UBXN11: variants seen among roughly 807,000 people sequenced by gnomAD.
UBXN11 encodes UBX domain-containing protein 11.
UBXN11 carries 47 observed loss-of-function variants against 62.8 expected under a neutral mutation model. That is an observed-to-expected ratio of 0.75 (90% CI 0.59 to 0.95). UBXN11 has a LOEUF of 0.95. Ranked by LOEUF, UBXN11 falls within the 40% of genes least tolerant of loss-of-function variation. The probability of loss-of-function intolerance (pLI) is 0.00; values close to 1 mark genes in which losing one functional copy is unlikely to be tolerated. For synonymous variants in UBXN11, 294 were observed against 267.0 expected, an observed-to-expected ratio of 1.10 and a Z score of -0.99; for missense variants, 638 against 661.7, an observed-to-expected ratio of 0.96 and a Z score of 0.39.
At chr1:26,316,245 A>G (rs2124683345) in intron 1 of UBXN11, among the ~76,000 whole-genome samples, 1 of 150,190 alleles carries the variant, frequency 6.7e-6, no homozygotes, top group Middle Eastern at 3.4e-3. Context: ...CTAGGATTAC[A>G]GGCGTAGCCC....
At chr1:26,291,651 G>C (rs564224250) in intron 8 of UBXN11, among the ~76,000 whole-genome samples, 1 of 152,186 alleles carries the variant, frequency 6.6e-6, no homozygotes, top group East Asian at 1.9e-4. Context: ...AGCCCAGCCC[G>C]CCACAGCAGG....
chr1:26,284,149 G>A lies in UBXN11; in HGVS notation c.1070C>T (p.Thr357Ile). 6.2e-7 allele frequency: 1 copy of A among 1,608,992 alleles called. No homozygotes were observed. Among genetic ancestry groups the A allele is most frequent in the African/African-American group, 1.3e-5 (1 of 74,886 alleles). Residue 357 changes from threonine to isoleucine, a missense_variant, in exon 12 of 15, where the codon ACC (threonine) becomes ATC (isoleucine). Physicochemically the swap from Thr to Ile is moderately conservative, Grantham distance 89. Coordinates refer to ENST00000374222, the MANE Select transcript of UBXN11 (RefSeq NM_001389556.1). ...AGTTAGCATTGGCCTCACCTGCAAGGTGTCCCTGATGGGGCCCCGGATGTC... is the reference window on the plus strand; with the variant it reads ...AGTTAGCATTGGCCTCACCTGCAAGATGTCCCTGATGGGGCCCCGGATGTC... ...VIDIRGPIRD[T>I]LQNCCPLPAR...
At chr1:26,283,496 T>A (rs1297971493) in intron 12 of UBXN11, among the ~76,000 whole-genome samples, 1 of 152,132 alleles carries the variant, frequency 6.6e-6, no homozygotes, top group Non-Finnish European at 1.5e-5. Flanking sequence ...GGAACCTGGC[T>A]TTATCTCAAG....
chr1:26,297,590 CCT>C lies in UBXN11; in HGVS notation c.301-111_301-110del, dbSNP rs2073424471. On this transcript the variant is annotated intron_variant, in intron 5 of 14. Coordinates refer to ENST00000374222, the MANE Select transcript of UBXN11 (RefSeq NM_001389556.1). ...GTTGGATGCTGGGGAGCAGCAAGCC[CCT>C]GCCACCCTTTGGCACAGCCACTTCT... 7 of 1,305,860 alleles carry C rather than the reference CCT, an allele frequency of 5.4e-6. No homozygotes were observed. The East Asian group carries it at 1.8e-4, about 34-fold the overall frequency. 80.9% of individuals were successfully genotyped at this position (1,305,860 alleles called of 1,614,324 possible).
At chr1:26,299,710 C>CT (rs2073481829) in intron 4 of UBXN11, among the ~76,000 whole-genome samples, 1 of 152,084 alleles carries the variant, frequency 6.6e-6, no homozygotes, top group Admixed American at 6.6e-5. Context: ...TAGGCAAGTC[C>CT]TCATCTGTTA....
chr1:26,302,362 TAAAAAAAAAAA>T lies in UBXN11; in HGVS notation c.71+440_71+450del, dbSNP rs56003085. Among the ~76,000 whole-genome samples, 21 of 69,562 alleles carry T rather than the reference TAAAAAAAAAAA, an allele frequency of 3.0e-4. No homozygotes were observed. The South Asian group carries it at 7.2e-3, about 24-fold the overall frequency. The allele number at this position is 69,562 out of a possible 152,430, so 45.6% of individuals were successfully genotyped here. ...GGGCGACAGAGCGAGACTTGGTCTTTAAAAAAAAAAAAAAAAAAAAAAAAAAAAAGACTCAA... is the reference window on the plus strand; with the variant it reads ...GGGCGACAGAGCGAGACTTGGTCTTTAAAAAAAAAAAAAAAAAAGACTCAA... On this transcript the variant is annotated intron_variant, in intron 2 of 14. Coordinates refer to ENST00000374222, the MANE Select transcript of UBXN11 (RefSeq NM_001389556.1).
intron 4 of UBXN11, among the ~76,000 whole-genome samples, chr1:26,299,132 G>A (rs1022231241): frequency 2.0e-5 from 3 of 152,200 alleles, no homozygotes; most frequent in Non-Finnish European, 2.9e-5. Flanking sequence ...ACAAACATTT[G>A]GGAACTGTCT....
chr1:26,282,829 GC>G (rs1557678438), intron 13 of UBXN11, 34 bp downstream of exon 13: 4 of 1,613,862 alleles, frequency 2.5e-6, no homozygotes. Flanking sequence ...GTGACCCAAC[GC>G]CCCCAGGCCC....
chr1:26,287,434 G>A lies in UBXN11; in HGVS notation c.560-1397C>T, dbSNP rs1050958186. 2.6e-5 allele frequency among the ~76,000 whole-genome samples: 4 copies of A among 152,046 alleles called. No individual in the cohort carries two copies. The East Asian group carries it at 7.7e-4, about 29-fold the overall frequency. ...TAGATGCTGGCTGGGTACAGACCAG[G>A]GGCCTGTTCTGTCATCTTTGATGGG... On this transcript the variant is annotated intron_variant, in intron 8 of 14. Coordinates refer to ENST00000374222, the MANE Select transcript of UBXN11 (RefSeq NM_001389556.1).
chr1:26,310,188 A>G (rs6598958), upstream of UBXN11, among the ~76,000 whole-genome samples: 132,866 of 152,138 alleles, frequency 0.87, 58,986 homozygotes, highest in Non-Finnish European at 0.93. Context: ...ATCACCTGAG[A>G]TCAGGAGTTC....
upstream of UBXN11, among the ~76,000 whole-genome samples, chr1:26,311,465 G>T (rs191195618): frequency 8.0e-5 from 12 of 150,796 alleles, no homozygotes; most frequent in East Asian, 1.8e-3. Context: ...TTTTTGAGAT[G>T]GAGTCTCACA....
exon 1 of UBXN11, chr1:26,318,170 C>A: frequency 9.9e-7 from 1 of 1,010,060 alleles, no homozygotes; most frequent in Non-Finnish European, 1.6e-6. Flanking sequence ...CCAGCCTTCT[C>A]TCCTGAGAGC....
rs140364749 is a variant in UBXN11, at chr1:26,282,386, GCCGGGACCGGGA to G, written c.1464_1475del (p.Gly490_Pro493del). 9.9e-6 allele frequency: 8 copies of G among 804,128 alleles called. No homozygotes were observed. In the African/African-American group the frequency reaches 1.6e-4, roughly 17 times the overall value. The allele number at this position is 804,128 out of a possible 1,614,324, so 49.8% of individuals were successfully genotyped here. A position where few individuals can be genotyped will look rare whatever the true frequency, so the allele number is the denominator to read the frequency against. ...GGCCGGGACCGGGACCGGGACTGGG[GCCGGGACCGGGA>G]CCGGGACAGGGACCAGGACTGAATT... On this transcript the variant is annotated inframe_deletion, in exon 15 of 15. Coordinates refer to ENST00000374222, the MANE Select transcript of UBXN11 (RefSeq NM_001389556.1).
intron 9 of UBXN11, 116 bp from the exon 10 acceptor site, chr1:26,285,657 ACATT>A: frequency 7.4e-7 from 1 of 1,355,580 alleles, no homozygotes; most frequent in Non-Finnish European, 9.9e-7. Context: ...CACTCTGGAA[ACATT>A]CAGAGTCCCA....
At chr1:26,291,046 T>C (rs2073251319) in intron 8 of UBXN11, among the ~76,000 whole-genome samples, 2 of 152,074 alleles carry the variant, frequency 1.3e-5, no homozygotes, top group African/African-American at 4.8e-5. Flanking sequence ...AGCCCCTTCA[T>C]GGCCCCACCG....
rs1468999197 is a variant in UBXN11 at position 26,282,480 on chromosome 1, A to C, written c.1382T>G (p.Leu461Arg). The C allele has an allele frequency of 6.2e-7, 1 of 1,607,902 alleles. No individual in the cohort carries two copies. Among genetic ancestry groups the C allele is most frequent in the Non-Finnish European group, 8.5e-7 (1 of 1,177,356 alleles). ...CAGCAGCAGTGCTGCTTTGGGCACA[A>C]GGCCTGCAGCCTGCAGCGTGAGTGT... ...DDTLTLQAAG[L>R]VPKAALLLRA... is the part of the protein sequence containing the mutation. Residue 461 changes from leucine to arginine, a missense_variant, in exon 15 of 15, where the codon CTT becomes CGT. Leu to Arg is a moderately radical substitution (Grantham distance 102, BLOSUM62 -2). Transcript: ENST00000374222.
intron 4 of UBXN11, among the ~76,000 whole-genome samples, chr1:26,299,101 T>C (rs547666422): frequency 2.4e-4 from 36 of 152,328 alleles, no homozygotes; most frequent in Admixed American, 5.9e-4. Flanking sequence ...CTTTGACTTA[T>C]AGTTAAATGC....
chr1:26,312,703 C>A (rs980862179), intron 1 of UBXN11, among the ~76,000 whole-genome samples: 1 of 151,422 alleles, frequency 6.6e-6, no homozygotes, highest in South Asian at 2.1e-4. Context: ...TGAGGCTGGA[C>A]ACAGTGGCTC....
In UBXN11 at chr1:26,302,921, A is replaced by C; in HGVS notation, c.-35-3T>G. On this transcript the variant is annotated splice_polypyrimidine_tract_variant and splice_region_variant and intron_variant, in intron 1 of 14. Transcript: ENST00000374222. ...AGAATCCAGCTGTCAGGAACTCCCTAGAGGAATGCAGGAAGTCAGCCCCTG... is the reference window on the plus strand; with the variant it reads ...AGAATCCAGCTGTCAGGAACTCCCTCGAGGAATGCAGGAAGTCAGCCCCTG... The C allele has an allele frequency of 1.2e-6, 2 of 1,600,418 alleles. No individual in the cohort carries two copies. The highest frequency in any genetic ancestry group is 1.7e-6 in the Non-Finnish European group (2 of 1,169,374).
Sources: allele counts gnomAD v4.1 joint callset (sites outside exome capture counted in the v4.1 genomes callset), GRCh38; gene constraint gnomAD v4.1.1; transcripts MANE v1.5; gene names NCBI Gene and HGNC (gene_info 2026-07-23, HGNC 2026-07-21).